ZNF600: variants seen among roughly 807,000 people sequenced by gnomAD.
ZNF600 encodes zinc finger protein 600.
In ZNF600, 4 loss-of-function variants were observed where a neutral mutation model predicts 7.3. The ratio of observed to expected loss-of-function variants is 0.55; its 90% CI spans 0.27 to 1.25. ZNF600 has a LOEUF of 1.25. ZNF600 is among the 50% of genes most tolerant of loss of function. The pLI, the probability that ZNF600 is intolerant of heterozygous loss-of-function variation, is 0.12. For missense variants in ZNF600, 911 were observed against 922.1 expected (o/e 0.99, Z 0.16); for synonymous variants, 290 against 308.9 (o/e 0.94, Z 0.64).
the ZNF600 span, among the ~76,000 whole-genome samples, chr19:52,815,908 T>C: frequency 6.8e-6 from 1 of 147,214 alleles, no homozygotes; most frequent in Non-Finnish European, 1.5e-5. Flanking sequence ...TGACGTGAGT[T>C]TGCCTCTGTA....
At chr19:52,795,481 G>T in the ZNF600 span, among the ~76,000 whole-genome samples, 1 of 151,900 alleles carries the variant, frequency 6.6e-6, no homozygotes, top group Non-Finnish European at 1.5e-5. Context: ...TGGGGTCAAA[G>T]AAATTTTTCA....
chr19:52,810,715 T>C, the ZNF600 span: 4 of 747,776 alleles, frequency 5.3e-6, no homozygotes, highest in Non-Finnish European at 9.6e-6. Flanking sequence ...CTAAAAAAAA[T>C]GTGTATTAGG....
chr19:52,828,568 C>T, the ZNF600 span, among the ~76,000 whole-genome samples: 193 of 152,180 alleles, frequency 1.3e-3, 1 homozygote, highest in African/African-American at 4.1e-3. Context: ...TCTATATATA[C>T]GCATTTCCCT....
At chr19:52,768,225 C>A (rs1472024600) in intron 3 of ZNF600, among the ~76,000 whole-genome samples, 1 of 150,550 alleles carries the variant, frequency 6.6e-6, no homozygotes, top group African/African-American at 2.4e-5. Flanking sequence ...GTAAGGATAA[C>A]CAAAATCAAT....
chr19:52,776,103 T>C (rs570634767), intron 2 of ZNF600, among the ~76,000 whole-genome samples: 1 of 136,594 alleles, frequency 7.3e-6, no homozygotes, highest in Admixed American at 7.2e-5. Context: ...GCTTCCCATG[T>C]CTTAAGCCAT....
the ZNF600 span, among the ~76,000 whole-genome samples, chr19:52,811,118 T>C: frequency 6.7e-6 from 1 of 149,954 alleles, no homozygotes; most frequent in African/African-American, 2.5e-5. Context: ...GGTCTCCAGC[T>C]CCTAACCACG....
At chr19:52,801,777 A>T in the ZNF600 span, 3 of 1,344,062 alleles carry the variant, frequency 2.2e-6, no homozygotes. Flanking sequence ...TAAATATGAC[A>T]CAAAAAACAA....
the ZNF600 span, among the ~76,000 whole-genome samples, chr19:52,811,532 C>A: frequency 6.7e-6 from 1 of 148,412 alleles, no homozygotes; most frequent in Non-Finnish European, 1.5e-5. Flanking sequence ...TGGGGAGCAC[C>A]TCTGCCCCAC....
chr19:52,771,554 A>G (rs776223866), intron 3 of ZNF600, among the ~76,000 whole-genome samples: 42 of 152,236 alleles, frequency 2.8e-4, no homozygotes, highest in Non-Finnish European at 5.7e-4. Flanking sequence ...GCTCACTGCA[A>G]CATCCATCTC....
At chr19:52,782,614 C>T (rs1333630904) in intron 1 of ZNF600, among the ~76,000 whole-genome samples, 3 of 152,152 alleles carry the variant, frequency 2.0e-5, no homozygotes, top group African/African-American at 7.2e-5. Flanking sequence ...TGGCTCACGC[C>T]TGTAATCCCA....
At chr19:52,832,912 C>G in the ZNF600 span, among the ~76,000 whole-genome samples, 2 of 152,188 alleles carry the variant, frequency 1.3e-5, no homozygotes, top group African/African-American at 4.8e-5. Flanking sequence ...GCTGAGATTA[C>G]AGGCATGAGC....
At chr19:52,832,501 A>G in the ZNF600 span, among the ~76,000 whole-genome samples, 54,021 of 151,738 alleles carry the variant, frequency 0.36, 11,505 homozygotes, top group African/African-American at 0.58. Flanking sequence ...AGGCTAAGGC[A>G]GAAGAATTGC....
At chr19:52,784,189 G>A (rs1253769101) in intron 1 of ZNF600, among the ~76,000 whole-genome samples, 1 of 152,018 alleles carries the variant, frequency 6.6e-6, no homozygotes, top group Non-Finnish European at 1.5e-5. Flanking sequence ...AGGATCTTGA[G>A]ACCAGCCTGG....
chr19:52,783,425 G>A (rs1270989434), intron 1 of ZNF600, among the ~76,000 whole-genome samples: 5 of 152,056 alleles, frequency 3.3e-5, no homozygotes, highest in Non-Finnish European at 2.9e-5. Context: ...GCAGTGGCGC[G>A]ATCTCGGCTC....
chr19:52,806,614 A>G, the ZNF600 span, among the ~76,000 whole-genome samples: 1 of 133,936 alleles, frequency 7.5e-6, no homozygotes, highest in Non-Finnish European at 1.5e-5. Context: ...TTAAAATAAT[A>G]ACAATGGTTA....
the ZNF600 span, among the ~76,000 whole-genome samples, chr19:52,830,254 A>G: frequency 3.5e-4 from 53 of 152,162 alleles, no homozygotes; most frequent in Non-Finnish European, 1.5e-5. Context: ...CGTGGGCAAC[A>G]AGAGCGAAAC....
At chr19:52,794,379 C>T in the ZNF600 span, among the ~76,000 whole-genome samples, 5 of 152,310 alleles carry the variant, frequency 3.3e-5, no homozygotes, top group African/African-American at 9.6e-5. Flanking sequence ...GTCACTCTGA[C>T]TGAGCTTTTC....
chr19:52,820,730 T>C, the ZNF600 span, among the ~76,000 whole-genome samples: 1 of 152,212 alleles, frequency 6.6e-6, no homozygotes, highest in Non-Finnish European at 1.5e-5. Flanking sequence ...CATCTCTCTG[T>C]ACATCTAGCT....
downstream of ZNF600, chr19:52,764,243 A>T (rs1268939282): frequency 6.6e-6 from 1 of 151,954 alleles, no homozygotes; most frequent in African/African-American, 2.4e-5. Context: ...ATGGAGACTG[A>T]CTCTACTGCC....
Sources: gnomAD v4.1 joint callset for allele counts (sites outside exome capture counted in the v4.1 genomes callset) on GRCh38, gnomAD v4.1.1 for gene constraint, MANE v1.5 for transcripts, NCBI Gene and HGNC (gene_info 2026-07-23, HGNC 2026-07-21) for gene names.